The following MFN2 variants were observed in gnomAD, a reference collection of about 807,000 sequenced individuals.
MFN2 encodes the protein mitofusin 2.
Under a neutral mutation model 87.5 loss-of-function variants are expected in MFN2, and 43 were observed. The ratio of observed to expected loss-of-function variants is 0.49; its 90% CI spans 0.38 to 0.63. The LOEUF (loss-of-function observed/expected upper bound fraction) is 0.63, where lower values mean the gene tolerates loss of function less well. MFN2 is among the 30% of genes least tolerant of loss of function. MFN2 has a pLI of 0.00. For synonymous variants in MFN2, 337 were observed against 359.9 expected (o/e 0.94, Z 0.72); for missense variants, 743 against 972.8 (o/e 0.76, Z 3.14).
intron 10 of MFN2, 37 bp from the exon 11 acceptor site, chr1:12,001,945 T>G: frequency 6.2e-7 from 1 of 1,614,138 alleles, no homozygotes; most frequent in South Asian, 1.1e-5. Context: ...AGGCCCCTGG[T>G]GGCCCCCACC....
intron 8 of MFN2, 73 bp from the exon 9 acceptor site, chr1:12,001,328 T>C: frequency 6.3e-7 from 1 of 1,586,886 alleles, no homozygotes; most frequent in Admixed American, 1.7e-5. Context: ...TGACCTATTC[T>C]TTTAATAAAA....
chr1:11,993,696 A>C (rs1394620360), intron 4 of MFN2, among the ~76,000 whole-genome samples: 5 of 150,794 alleles, frequency 3.3e-5, no homozygotes, highest in Non-Finnish European at 7.4e-5. Flanking sequence ...AGATCGGGCC[A>C]CTGCACTCCA....
rs974375231 is a variant in MFN2, at chr1:12,003,459, G to A, written c.1161-533G>A. On this transcript the variant is annotated intron_variant, in intron 11 of 18. Coordinates refer to ENST00000235329, the MANE Select transcript of MFN2 (RefSeq NM_014874.4). This position sits in a 1 kb window ranked among gnomAD's most constrained non-coding sequence, Gnocchi z 4.1. ...GCGGATGGATCACCTGAGGTCAGGAGTTCAAGACCAGCCTGACCAACACGG... is the reference window on the plus strand; with the variant it reads ...GCGGATGGATCACCTGAGGTCAGGAATTCAAGACCAGCCTGACCAACACGG... Among the ~76,000 whole-genome samples the A allele has an allele frequency of 6.6e-6, 1 of 152,230 alleles. No homozygotes were observed. The highest frequency in any genetic ancestry group is 1.5e-5 in the Non-Finnish European group (1 of 68,042).
At chr1:11,996,679 AC>A (rs367599989) in intron 5 of MFN2, among the ~76,000 whole-genome samples, 13 of 152,254 alleles carry the variant, frequency 8.5e-5, no homozygotes, top group Non-Finnish European at 1.8e-4. Flanking sequence ...TCAGGGACCG[AC>A]ACTCTGAGTT....
chr1:12,011,658 C>T lies in MFN2; in HGVS notation c.*93C>T, dbSNP rs1639705341. On this transcript the variant is annotated 3_prime_UTR_variant, in exon 19 of 19. Transcript: ENST00000235329. Reference sequence around the variant, plus strand: ...CCCCAGGGGCACGTGTGGCTCCTGCCCCCTGGCCACTGCCAAGAGAATGAA... The same window carrying T: ...CCCCAGGGGCACGTGTGGCTCCTGCTCCCTGGCCACTGCCAAGAGAATGAA... 3.0e-6 allele frequency: 4 copies of T among 1,324,306 alleles called. No homozygotes were observed. Among genetic ancestry groups the T allele is most frequent in the Non-Finnish European group, 4.3e-6 (4 of 923,064 alleles). 82.0% of individuals were successfully genotyped at this position (1,324,306 alleles called of 1,614,324 possible).
intron 2 of MFN2, among the ~76,000 whole-genome samples, chr1:11,987,388 C>T (rs1324520812): frequency 1.4e-5 from 2 of 144,754 alleles, no homozygotes; most frequent in South Asian, 2.2e-4. Context: ...CCAGCACTTT[C>T]GGAGGACAAG....
chr1:11,992,506 T>A (rs1301001426), intron 3 of MFN2, 49 bp from the exon 4 acceptor site: 3 of 1,613,456 alleles, frequency 1.9e-6, no homozygotes, highest in Non-Finnish European at 2.5e-6. Context: ...CTTGGGACTG[T>A]GGAACTCCTC....
chr1:12,010,151 T>C (rs1428559231), intron 18 of MFN2, among the ~76,000 whole-genome samples: 1 of 151,732 alleles, frequency 6.6e-6, no homozygotes, highest in Non-Finnish European at 1.5e-5. Flanking sequence ...CAAAACTCTG[T>C]CTCAAAAAGA....
chr1:12,006,678 T>C lies in MFN2; in HGVS notation c.1857T>C (p.Leu619=). 6.2e-7 allele frequency: 1 copy of C among 1,613,390 alleles called. No homozygotes were observed. The highest frequency in any genetic ancestry group is 1.1e-5 in the South Asian group (1 of 91,050). Residue 619 remains leucine, a synonymous_variant, in exon 16 of 19, where the codon CTT becomes CTC. Coordinates refer to ENST00000235329, the MANE Select transcript of MFN2 (RefSeq NM_014874.4). ...SLTSRTSMGI[L]VVGGVVWKAV... is the part of the protein sequence containing the mutation. Reference sequence around the variant, plus strand: ...CATCCAGGACCTCCATGGGCATTCTTGTTGTTGGAGGAGTGGTCAGTGACC... The same window carrying C: ...CATCCAGGACCTCCATGGGCATTCTCGTTGTTGGAGGAGTGGTCAGTGACC...
chr1:11,980,800 C>T (rs1187675775), intron 1 of MFN2, among the ~76,000 whole-genome samples: 1 of 152,230 alleles, frequency 6.6e-6, no homozygotes, highest in Admixed American at 6.5e-5. Context: ...AGCATTTACT[C>T]AGCACCTGAT....
chr1:11,996,412 G>A, intron 5 of MFN2, 94 bp downstream of exon 5: 1 of 1,456,580 alleles, frequency 6.9e-7, no homozygotes, highest in Non-Finnish European at 9.5e-7. Flanking sequence ...GGAGGGGGCA[G>A]CACCACCCTG....
Position 12,001,433 on chromosome 1 carries a change from C to T in MFN2, c.849C>T (p.Ser283=), listed in dbSNP as rs760182740. 1 of 1,613,908 alleles carries T rather than the reference C, an allele frequency of 6.2e-7. No homozygotes were observed. Among genetic ancestry groups the T allele is most frequent in the Non-Finnish European group, 8.5e-7 (1 of 1,179,932 alleles). ...VRRQHMERCT[S]FLVDELGVVD... Reference sequence around the variant, plus strand: ...GGCAGCACATGGAGCGTTGTACCAGCTTCCTGGTGGATGAGCTGGGCGTGG... The same window carrying T: ...GGCAGCACATGGAGCGTTGTACCAGTTTCCTGGTGGATGAGCTGGGCGTGG... Residue 283 remains serine (S), a synonymous_variant, in exon 9 of 19, where the codon AGC becomes AGT. Coordinates refer to ENST00000235329, the MANE Select transcript of MFN2 (RefSeq NM_014874.4).
intron 2 of MFN2, among the ~76,000 whole-genome samples, chr1:11,988,403 GT>G (rs761186739): frequency 5.5e-4 from 76 of 137,824 alleles, no homozygotes; most frequent in Non-Finnish European, 6.2e-4. Context: ...ATGCCTGGCT[GT>G]TTTTTTTTTT....
At chr1:11,985,482 T>TTA (rs1180231528) in intron 2 of MFN2, among the ~76,000 whole-genome samples, 4,317 of 120,984 alleles carry the variant, frequency 0.036, 513 homozygotes, top group East Asian at 0.055. Context: ...TTTTTTTTTT[T>TTA]AAAGAGAGAG....
intron 17 of MFN2, 54 bp downstream of exon 17, chr1:12,007,303 C>T: frequency 1.9e-6 from 3 of 1,581,592 alleles, no homozygotes; most frequent in East Asian, 2.3e-5. Context: ...AGGGTCAGCC[C>T]CATCTCCCTT....
Position 12,004,754 on chromosome 1 carries a change from C to A in MFN2, c.1393-71C>A. On this transcript the variant is annotated intron_variant, in intron 13 of 18. Coordinates refer to ENST00000235329, the MANE Select transcript of MFN2 (RefSeq NM_014874.4). This position sits in a 1 kb window ranked among gnomAD's most constrained non-coding sequence, Gnocchi z 4.2. Reference sequence around the variant, plus strand: ...CAGGCTTCCGTCAGCCTTCTGGGGTCACCTGGTGGATGTGGCCTGAAGGGA... The same window carrying A: ...CAGGCTTCCGTCAGCCTTCTGGGGTAACCTGGTGGATGTGGCCTGAAGGGA... 6.5e-7 allele frequency: 1 copy of A among 1,529,346 alleles called. No individual in the cohort carries two copies. Among genetic ancestry groups the A allele is most frequent in the South Asian group, 1.1e-5 (1 of 88,504 alleles). The allele number at this position is 1,529,346 out of a possible 1,614,324, so 94.7% of individuals were successfully genotyped here. A position where few individuals can be genotyped will look rare whatever the true frequency, so the allele number is the denominator to read the frequency against.
chr1:12,008,729 C>T (rs1293486979), intron 17 of MFN2, among the ~76,000 whole-genome samples: 1 of 151,056 alleles, frequency 6.6e-6, no homozygotes, highest in Non-Finnish European at 1.5e-5. Flanking sequence ...CCAGAGTGGG[C>T]AGCCGGGCAG....
chr1:11,984,697 C>T (rs1638317783), intron 2 of MFN2, among the ~76,000 whole-genome samples: 2 of 152,152 alleles, frequency 1.3e-5, no homozygotes, highest in Admixed American at 1.3e-4. Flanking sequence ...GAGGGGTGGA[C>T]CCTGTATCCT....
chr1:11,995,727 G>C (rs554505780), intron 4 of MFN2, among the ~76,000 whole-genome samples: 12 of 152,218 alleles, frequency 7.9e-5, no homozygotes, highest in Non-Finnish European at 1.8e-4. Context: ...TCATGTGTAA[G>C]GAGGAGCGTG....
Sources: allele counts gnomAD v4.1 joint callset (sites outside exome capture counted in the v4.1 genomes callset), GRCh38; gene constraint gnomAD v4.1.1; non-coding constraint Gnocchi (gnomAD v3.1); transcripts MANE v1.5; gene names NCBI Gene and HGNC (gene_info 2026-07-23, HGNC 2026-07-21).